MTMR3: variants seen among roughly 807,000 people sequenced by gnomAD.
MTMR3 encodes the protein myotubularin related protein 3, also known as phosphatidylinositol-3,5-bisphosphate 3-phosphatase MTMR3.
A neutral mutation model predicts 132.4 loss-of-function variants in MTMR3; 32 were observed. The observed-to-expected ratio is 0.24, with a 90% CI of 0.18 to 0.32. The LOEUF is 0.32. MTMR3 is among the 10% of genes least tolerant of loss of function. The pLI, the probability that MTMR3 is intolerant of heterozygous loss-of-function variation, is 1.00. For missense variants in MTMR3, 1,216 were observed against 1,489.6 expected (o/e 0.82, Z 3.02); for synonymous variants, 556 against 550.3 (o/e 1.01, Z -0.14).
Position 30,023,349 on chromosome 22 carries a change from C to A in MTMR3, c.3425+652C>A. On this transcript the variant is annotated intron_variant, in intron 19 of 19. Transcript: ENST00000401950. Reference sequence around the variant, plus strand: ...GGGTGGATTGAAAATGGAACAGTCTCTTTGCCTAGTAATGATGCTTCTAGG... The same window carrying A: ...GGGTGGATTGAAAATGGAACAGTCTATTTGCCTAGTAATGATGCTTCTAGG... 3 of 1,119,676 alleles carry A rather than the reference C, an allele frequency of 2.7e-6. No individual in the cohort carries two copies. The South Asian group carries it at 3.8e-5, about 14-fold the overall frequency. 69.4% of individuals were successfully genotyped at this position (1,119,676 alleles called of 1,614,324 possible).
At chr22:29,886,193 A>G (rs964827654) in intron 1 of MTMR3, among the ~76,000 whole-genome samples, 2 of 152,212 alleles carry the variant, frequency 1.3e-5, no homozygotes, top group African/African-American at 2.4e-5. Flanking sequence ...ATATTTTGCA[A>G]TGGATTAAAG....
At chr22:29,979,592 T>G in intron 5 of MTMR3, 1 of 165,328 alleles carries the variant, frequency 6.0e-6, no homozygotes, top group Non-Finnish European at 1.3e-5. Flanking sequence ...AGGTGTCCAT[T>G]GTTTAGTTTA....
At chr22:29,921,507 T>C (rs2065412449) in intron 1 of MTMR3, among the ~76,000 whole-genome samples, 1 of 148,754 alleles carries the variant, frequency 6.7e-6, no homozygotes, top group African/African-American at 2.4e-5. Context: ...TACTTTTTAA[T>C]GGATGATTGA....
At chr22:29,938,010 G>T (rs1399217756) in intron 1 of MTMR3, among the ~76,000 whole-genome samples, 1 of 152,102 alleles carries the variant, frequency 6.6e-6, no homozygotes, top group Non-Finnish European at 1.5e-5. Flanking sequence ...TAAACTAGGG[G>T]CTGACAAGAC....
intron 8 of MTMR3, chr22:29,999,976 T>G (rs1275760817): frequency 1.3e-5 from 2 of 151,256 alleles, no homozygotes; most frequent in African/African-American, 4.9e-5. Flanking sequence ...TGCACCACTA[T>G]ATTCCAACCT....
intron 2 of MTMR3, among the ~76,000 whole-genome samples, chr22:29,961,383 G>A (rs1038829156): frequency 6.6e-6 from 1 of 151,956 alleles, no homozygotes; most frequent in African/African-American, 2.4e-5. Context: ...ATGGAATACT[G>A]AACTGCCATA....
At chr22:29,950,009 G>T (rs1344249962) in intron 1 of MTMR3, among the ~76,000 whole-genome samples, 1 of 152,172 alleles carries the variant, frequency 6.6e-6, no homozygotes, top group Non-Finnish European at 1.5e-5. Context: ...TTCACCAGAG[G>T]TTAACTGAGA....
At chr22:29,906,237 CATCCATCCGTCTGTCT>C (rs1179382068) in intron 1 of MTMR3, among the ~76,000 whole-genome samples, 4 of 149,236 alleles carry the variant, frequency 2.7e-5, no homozygotes, top group African/African-American at 1.0e-4. Flanking sequence ...CACATTTATC[CATCCATCCGTCTGTCT>C]GTCTGTCTGT....
chr22:29,960,533 A>G (rs1250411425), intron 2 of MTMR3, among the ~76,000 whole-genome samples: 1 of 152,276 alleles, frequency 6.6e-6, no homozygotes, highest in African/African-American at 2.4e-5. Flanking sequence ...TGAAACATTT[A>G]ATGAAGTACA....
chr22:29,960,477 A>G (rs1776786405), intron 2 of MTMR3, among the ~76,000 whole-genome samples: 1 of 152,222 alleles, frequency 6.6e-6, no homozygotes, highest in Non-Finnish European at 1.5e-5. Context: ...TGCGCGAACA[A>G]AAAAGGAGAC....
At chr22:29,908,601 T>A (rs2065146037) in intron 1 of MTMR3, among the ~76,000 whole-genome samples, 1 of 152,214 alleles carries the variant, frequency 6.6e-6, no homozygotes, top group Non-Finnish European at 1.5e-5. Flanking sequence ...ACAAATTGAT[T>A]GTTGGCCCTT....
chr22:29,911,601 T>C (rs2065214825), intron 1 of MTMR3, among the ~76,000 whole-genome samples: 1 of 150,796 alleles, frequency 6.6e-6, no homozygotes, highest in Non-Finnish European at 1.5e-5. Flanking sequence ...TTTTTTTTAC[T>C]TACAACTGAG....
intron 7 of MTMR3, 27 bp from the exon 8 acceptor site, chr22:29,998,734 T>G: frequency 1.3e-6 from 2 of 1,573,908 alleles, no homozygotes; most frequent in Non-Finnish European, 1.7e-6. Context: ...CATTTCTTCC[T>G]TTCTGCTGTT....
At chr22:29,966,726 C>CGTGCGTGT (rs1484648091) in intron 2 of MTMR3, among the ~76,000 whole-genome samples, 10 of 142,972 alleles carry the variant, frequency 7.0e-5, no homozygotes, top group African/African-American at 2.0e-4. Flanking sequence ...TAGGGGTGTG[C>CGTGCGTGT]GTGTGTGTGT....
At chr22:30,003,103 C>CT in intron 9 of MTMR3, 110 bp downstream of exon 9, 1 of 784,236 alleles carries the variant, frequency 1.3e-6, no homozygotes, top group Non-Finnish European at 2.1e-6. Flanking sequence ...GTTCAGAGAA[C>CT]TTTCTAGGCA....
At chr22:30,013,305 A>G (rs1256786775) in intron 13 of MTMR3, 51 bp from the exon 14 acceptor site, 4 of 1,584,996 alleles carry the variant, frequency 2.5e-6, no homozygotes, top group Non-Finnish European at 1.7e-6. Context: ...TAGGACTGTC[A>G]CAGTCTGGAT....
intron 2 of MTMR3, among the ~76,000 whole-genome samples, chr22:29,962,723 C>T (rs373376696): frequency 3.3e-5 from 5 of 152,040 alleles, no homozygotes; most frequent in African/African-American, 4.8e-5. Flanking sequence ...CTCTTACCGT[C>T]GGTCTTTCCC....
intron 1 of MTMR3, among the ~76,000 whole-genome samples, chr22:29,916,001 A>G (rs543724686): frequency 2.0e-5 from 3 of 152,294 alleles, no homozygotes; most frequent in South Asian, 2.1e-4. Context: ...CACTTAATGT[A>G]TAAGAATCCT....
chr22:29,915,165 A>G (rs2065284787), intron 1 of MTMR3, among the ~76,000 whole-genome samples: 2 of 152,170 alleles, frequency 1.3e-5, no homozygotes, highest in Admixed American at 1.3e-4. Flanking sequence ...AGGTACATAC[A>G]TATTTAGGAT....
Sources: gnomAD v4.1 joint callset for allele counts (sites outside exome capture counted in the v4.1 genomes callset) on GRCh38, gnomAD v4.1.1 for gene constraint, MANE v1.5 for transcripts, NCBI Gene and HGNC (gene_info 2026-07-23, HGNC 2026-07-21) for gene names.